Variants in SCMH1 observed in about 807,000 individuals in gnomAD.
The protein encoded by SCMH1 is Scm polycomb group protein homolog 1.
Under a neutral mutation model 70.8 loss-of-function variants are expected in SCMH1, and 37 were observed. That is an observed-to-expected ratio of 0.52 (90% CI 0.40 to 0.69). The LOEUF (loss-of-function observed/expected upper bound fraction) is 0.69, where lower values mean the gene tolerates loss of function less well. SCMH1 is among the 30% of genes least tolerant of loss of function. The pLI is 0.00. For missense variants in SCMH1, 607 were observed against 827.3 expected (o/e 0.73, Z 3.27); for synonymous variants, 292 against 307.4 (o/e 0.95, Z 0.52).
At chr1:41,157,026 A>G (rs1645617782) in intron 4 of SCMH1, among the ~76,000 whole-genome samples, 2 of 146,512 alleles carry the variant, frequency 1.4e-5, no homozygotes, top group African/African-American at 2.6e-5. Flanking sequence ...GCACAATCAT[A>G]TCTCACTGTA....
chr1:41,059,012 G>A (rs1651623777), intron 10 of SCMH1, among the ~76,000 whole-genome samples: 1 of 152,192 alleles, frequency 6.6e-6, no homozygotes, highest in South Asian at 2.1e-4. Flanking sequence ...GTTTACTTGT[G>A]AATGATCTGT....
chr1:41,150,658 C>T (rs1187749899), intron 5 of SCMH1, among the ~76,000 whole-genome samples: 1 of 151,500 alleles, frequency 6.6e-6, no homozygotes, highest in Non-Finnish European at 1.5e-5. Flanking sequence ...ATTCTATGGC[C>T]GGGCACGGTG....
chr1:41,174,911 T>C (rs932462358), intron 2 of SCMH1, among the ~76,000 whole-genome samples: 12 of 152,276 alleles, frequency 7.9e-5, no homozygotes, highest in African/African-American at 2.9e-4. Flanking sequence ...AAGGGGCTAG[T>C]GTGTTTTTTG....
intron 10 of SCMH1, among the ~76,000 whole-genome samples, chr1:41,055,151 A>G (rs1649779912): frequency 6.6e-6 from 1 of 152,200 alleles, no homozygotes; most frequent in Non-Finnish European, 1.5e-5. Flanking sequence ...TAAAAGCAAG[A>G]AAGATGGTAC....
intron 8 of SCMH1, among the ~76,000 whole-genome samples, chr1:41,096,413 G>A (rs1028695500): frequency 2.6e-5 from 4 of 152,162 alleles, no homozygotes; most frequent in Non-Finnish European, 5.9e-5. Flanking sequence ...TTCTTCATTT[G>A]TAAAATAGAT....
chr1:41,060,462 GAA>G (rs766127875), intron 10 of SCMH1, among the ~76,000 whole-genome samples: 3 of 124,820 alleles, frequency 2.4e-5, no homozygotes, highest in East Asian at 4.3e-4. Context: ...ATGTGAGGGA[GAA>G]AAAAAAAAAA....
chr1:41,198,537 G>A (rs191993892), intron 1 of SCMH1, among the ~76,000 whole-genome samples: 1 of 152,216 alleles, frequency 6.6e-6, no homozygotes, highest in South Asian at 2.1e-4. Context: ...TTTTATAACA[G>A]GAGCTTTCAT....
intron 5 of SCMH1, among the ~76,000 whole-genome samples, chr1:41,147,016 C>T (rs56130946): frequency 0.013 from 1,955 of 152,210 alleles, 40 homozygotes; most frequent in African/African-American, 0.045. Context: ...GCATTTTCAC[C>T]AGCAGCATAT....
chr1:41,180,550 A>G (rs927387000), intron 2 of SCMH1, among the ~76,000 whole-genome samples: 3 of 152,224 alleles, frequency 2.0e-5, no homozygotes, highest in Admixed American at 2.0e-4. Flanking sequence ...TTATACACCA[A>G]TAACAGACAA....
At chr1:41,125,171 G>A (rs1672875869) in intron 6 of SCMH1, among the ~76,000 whole-genome samples, 1 of 152,056 alleles carries the variant, frequency 6.6e-6, no homozygotes, top group Non-Finnish European at 1.5e-5. Context: ...ACTCTTGCCT[G>A]ACTCAATTAT....
chr1:41,137,798 T>C (rs1054624962), intron 6 of SCMH1, among the ~76,000 whole-genome samples: 1 of 152,238 alleles, frequency 6.6e-6, no homozygotes, highest in Non-Finnish European at 1.5e-5. Flanking sequence ...CCTTGGGCAC[T>C]TTATCTCAGC....
chr1:41,182,668 G>A (rs112771159), intron 2 of SCMH1, among the ~76,000 whole-genome samples: 6 of 152,032 alleles, frequency 3.9e-5, no homozygotes, highest in East Asian at 3.8e-4. Flanking sequence ...CCAGGATTAC[G>A]TCATTGCACT....
At chr1:41,045,853 T>A (rs1646834470) in intron 12 of SCMH1, 1 of 152,564 alleles carries the variant, frequency 6.6e-6, no homozygotes, top group African/African-American at 2.4e-5. Flanking sequence ...GCATCTGCTT[T>A]CCCATTGTGG....
intron 6 of SCMH1, among the ~76,000 whole-genome samples, chr1:41,121,711 T>C (rs1001028721): frequency 7.9e-5 from 12 of 152,154 alleles, no homozygotes; most frequent in Non-Finnish European, 1.8e-4. Flanking sequence ...ACTACCTCAG[T>C]CTATAACTCT....
chr1:41,137,799 T>G (rs1267317169), intron 6 of SCMH1, among the ~76,000 whole-genome samples: 1 of 152,230 alleles, frequency 6.6e-6, no homozygotes, highest in African/African-American at 2.4e-5. Flanking sequence ...CTTGGGCACT[T>G]TATCTCAGCC....
At chr1:41,161,886 C>T (rs576410117) in intron 2 of SCMH1, among the ~76,000 whole-genome samples, 1 of 152,332 alleles carries the variant, frequency 6.6e-6, no homozygotes, top group South Asian at 2.1e-4. Flanking sequence ...GTCCCCACTC[C>T]GCAGTACCGC....
chr1:41,046,619 G>A (rs1201604900), intron 11 of SCMH1, 21 bp from the exon 12 acceptor site: 1 of 1,603,900 alleles, frequency 6.2e-7, no homozygotes, highest in Admixed American at 1.7e-5. Flanking sequence ...AGTAAACAGG[G>A]CCAAGCATGT....
intron 1 of SCMH1, among the ~76,000 whole-genome samples, chr1:41,236,733 A>ATTAT (rs368416194): frequency 0.013 from 1,958 of 152,320 alleles, 39 homozygotes; most frequent in African/African-American, 0.045. Flanking sequence ...ACATCTCTAG[A>ATTAT]TTATAAAACC....
intron 1 of SCMH1, among the ~76,000 whole-genome samples, chr1:41,234,788 A>C (rs1662026959): frequency 6.6e-6 from 1 of 152,052 alleles, no homozygotes; most frequent in Non-Finnish European, 1.5e-5. Context: ...TCTGTCTCTT[A>C]AAAAAACTTA....
Sources: gnomAD v4.1 joint callset for allele counts (sites outside exome capture counted in the v4.1 genomes callset) on GRCh38, gnomAD v4.1.1 for gene constraint, MANE v1.5 for transcripts, NCBI Gene and HGNC (gene_info 2026-07-23, HGNC 2026-07-21) for gene names.